Variants in ASAP1 observed in about 807,000 individuals in gnomAD.
ASAP1 encodes ArfGAP with SH3 domain, ankyrin repeat and PH domain 1.
In ASAP1, 43 loss-of-function variants were observed where a neutral mutation model predicts 145.2. That is an observed-to-expected ratio of 0.30 (90% confidence interval 0.23 to 0.38). The LOEUF (loss-of-function observed/expected upper bound fraction) is 0.38. ASAP1 is among the 10% of genes least tolerant of loss of function. ASAP1 has a pLI of 1.00. For missense variants in ASAP1, 1,018 were observed against 1,355.3 expected, an observed-to-expected ratio of 0.75 and a Z score of 3.91; for synonymous variants, 546 against 515.5, an observed-to-expected ratio of 1.06 and a Z score of -0.80.
rs35855151 is a variant in ASAP1, at chr8:130,143,411, G to GTTTTT, written c.1081-6378_1081-6374dup. 1.9e-4 allele frequency among the ~76,000 whole-genome samples: 27 copies of GTTTTT among 142,106 alleles called. No individual in the cohort carries two copies. In the East Asian group the frequency reaches 5.3e-3, roughly 28 times the overall value. The allele number at this position is 142,106 out of a possible 152,430, so 93.2% of individuals were successfully genotyped here. A position where few individuals can be genotyped will look rare whatever the true frequency, so the allele number is the denominator to read the frequency against. On this transcript the variant is annotated intron_variant, in intron 13 of 29. Transcript: ENST00000518721. ...ACCAAGATGTGTGTGTGAGATGTCT[G>GTTTTT]TTTTTTTTTTTTTTGACATATGTTG...
intron 2 of ASAP1, among the ~76,000 whole-genome samples, chr8:130,360,072 C>T (rs1311498117): frequency 6.6e-6 from 1 of 152,236 alleles, no homozygotes; most frequent in African/African-American, 2.4e-5. Context: ...CATTAACTCT[C>T]AAATATTTAC....
At chr8:130,188,479 A>G (rs1358955861) in intron 5 of ASAP1, among the ~76,000 whole-genome samples, 1 of 151,938 alleles carries the variant, frequency 6.6e-6, no homozygotes, top group East Asian at 1.9e-4. Context: ...TACGCCTGTA[A>G]TCCCAGCACT....
chr8:130,291,353 C>G (rs1339173931), intron 3 of ASAP1, among the ~76,000 whole-genome samples: 2 of 152,216 alleles, frequency 1.3e-5, no homozygotes, highest in African/African-American at 4.8e-5. Context: ...CTAGGCCAGA[C>G]AGCTGCTTGT....
intron 18 of ASAP1, among the ~76,000 whole-genome samples, chr8:130,123,661 C>T (rs1449312813): frequency 6.6e-6 from 1 of 152,230 alleles, no homozygotes; most frequent in East Asian, 1.9e-4. Flanking sequence ...GGGTCTCGCA[C>T]TGTTGCCCAG....
intron 3 of ASAP1, among the ~76,000 whole-genome samples, chr8:130,294,166 C>T (rs1822115937): frequency 6.6e-6 from 1 of 152,172 alleles, no homozygotes; most frequent in Admixed American, 6.5e-5. Context: ...CATTTCCATC[C>T]AATAACCAAA....
Position 130,053,707 on chromosome 8 carries a change from AAAT to A in ASAP1, c.*1021_*1023del, listed in dbSNP as rs1373617142. The A allele has an allele frequency of 3.9e-5, 6 of 152,258 alleles. No homozygotes were observed. The highest frequency in any genetic ancestry group is 1.4e-4 in the African/African-American group (6 of 41,478). The allele number at this position is 152,258 out of a possible 1,614,324, so 9.4% of individuals were successfully genotyped here. A position where few individuals can be genotyped will look rare whatever the true frequency, so the allele number is the denominator to read the frequency against. Reference sequence around the variant, plus strand: ...AATTTGTCCAAGAACAAAACTAAGAAAATAATAAAAAATGGATGCAATGGATGC... The same window carrying A: ...AATTTGTCCAAGAACAAAACTAAGAAAATAAAAAATGGATGCAATGGATGC... On this transcript the variant is annotated 3_prime_UTR_variant, in exon 30 of 30. Coordinates refer to ENST00000518721, the MANE Select transcript of ASAP1 (RefSeq NM_018482.4).
chr8:130,184,191 T>C (rs1814559585), intron 7 of ASAP1, among the ~76,000 whole-genome samples: 2 of 152,186 alleles, frequency 1.3e-5, no homozygotes, highest in South Asian at 4.1e-4. Context: ...TGCTTATACC[T>C]ATAAAAATGT....
chr8:130,405,042 A>G (rs1001279615), intron 1 of ASAP1, among the ~76,000 whole-genome samples: 3 of 152,012 alleles, frequency 2.0e-5, no homozygotes, highest in Non-Finnish European at 2.9e-5. Context: ...ATGAAGATAC[A>G]TATCTGCTGT....
intron 21 of ASAP1, 53 bp downstream of exon 21, chr8:130,116,827 T>C: frequency 6.3e-7 from 1 of 1,575,368 alleles, no homozygotes; most frequent in Admixed American, 1.7e-5. Context: ...AATTACAATG[T>C]ACCATGCAAC....
At chr8:130,392,560 T>C (rs1229102050) in intron 2 of ASAP1, among the ~76,000 whole-genome samples, 1 of 152,254 alleles carries the variant, frequency 6.6e-6, no homozygotes, top group Non-Finnish European at 1.5e-5. Flanking sequence ...ATGAGGAAAG[T>C]ACTGTTATCA....
At chr8:130,244,583 C>T (rs1443443002) in intron 3 of ASAP1, among the ~76,000 whole-genome samples, 1 of 152,130 alleles carries the variant, frequency 6.6e-6, no homozygotes, top group Non-Finnish European at 1.5e-5. Context: ...ACTCATCCAC[C>T]CAGCAAACAT....
intron 3 of ASAP1, among the ~76,000 whole-genome samples, chr8:130,243,406 G>A (rs533090244): frequency 6.6e-6 from 1 of 152,238 alleles, no homozygotes; most frequent in East Asian, 1.9e-4. Context: ...GCTTTGTAAG[G>A]ATTCACTGAC....
In ASAP1 at chr8:130,118,258, A is replaced by G. The variant is rs1274150365; in HGVS notation, c.1795-12T>C. 6.2e-7 allele frequency: 1 copy of G among 1,612,864 alleles called. No homozygotes were observed. ...GTCTCCCCAAGCTCCTAAAAAGGGA[A>G]AGAAAAGTATAAGTAAGTCAATAAT... is the stretch of plus-strand genomic sequence containing the variant. On this transcript the variant is annotated splice_polypyrimidine_tract_variant and intron_variant, in intron 19 of 29. Transcript: ENST00000518721.
chr8:130,311,956 G>A (rs1397680099), intron 3 of ASAP1, among the ~76,000 whole-genome samples: 2 of 152,020 alleles, frequency 1.3e-5, no homozygotes, highest in Admixed American at 6.6e-5. Flanking sequence ...CCTTCTAAAT[G>A]AGAAGATCCG....
intron 24 of ASAP1, among the ~76,000 whole-genome samples, chr8:130,107,180 CTTCTTTTTTTTT>C (rs1362333835): frequency 3.5e-5 from 4 of 113,862 alleles, no homozygotes; most frequent in Non-Finnish European, 5.3e-5. Context: ...CTCTCTTCTT[CTTCTTTTTTTTT>C]TTTTTTTTGA....
chr8:130,259,316 C>T (rs4733777), intron 3 of ASAP1, among the ~76,000 whole-genome samples: 48,799 of 152,060 alleles, frequency 0.32, 9,120 homozygotes, highest in East Asian at 0.59. Flanking sequence ...AAATCTGTCC[C>T]CTTTTATTTT....
At chr8:130,327,763 G>C (rs1007591831) in intron 3 of ASAP1, among the ~76,000 whole-genome samples, 1 of 152,106 alleles carries the variant, frequency 6.6e-6, no homozygotes, top group Non-Finnish European at 1.5e-5. Context: ...GGAAAATGAG[G>C]AGTGACTCTG....
At chr8:130,089,758 A>C (rs1201402417) in intron 25 of ASAP1, among the ~76,000 whole-genome samples, 1 of 152,234 alleles carries the variant, frequency 6.6e-6, no homozygotes, top group Non-Finnish European at 1.5e-5. Flanking sequence ...ATACATGCCC[A>C]TTACTGACCT....
intron 3 of ASAP1, among the ~76,000 whole-genome samples, chr8:130,286,403 C>T (rs548507889): frequency 6.6e-5 from 10 of 152,316 alleles, no homozygotes; most frequent in Non-Finnish European, 1.5e-5. Context: ...TTAAGTCCAT[C>T]ACTTACTTTG....
Sources: gnomAD v4.1 joint callset for allele counts (sites outside exome capture counted in the v4.1 genomes callset) on GRCh38, gnomAD v4.1.1 for gene constraint, MANE v1.5 for transcripts, NCBI Gene and HGNC (gene_info 2026-07-23, HGNC 2026-07-21) for gene names.